TSHZ3: variants seen among roughly 807,000 people sequenced by gnomAD.
TSHZ3 encodes the protein teashirt zinc finger homeobox 3.
TSHZ3 carries 10 observed loss-of-function variants against 64.5 expected under a neutral mutation model. That is an observed-to-expected ratio of 0.16 (90% CI 0.10 to 0.26). The LOEUF (loss-of-function observed/expected upper bound fraction) is 0.26. Ranked by LOEUF, TSHZ3 falls within the 10% of genes least tolerant of loss-of-function variation. The pLI is 1.00. For synonymous variants in TSHZ3, 608 were observed against 593.1 expected, an observed-to-expected ratio of 1.03 and a Z score of -0.36; for missense variants, 1,242 against 1,421.7, an observed-to-expected ratio of 0.87 and a Z score of 2.03.
At chr19:31,295,957 C>T (rs1976653350) in intron 1 of TSHZ3, among the ~76,000 whole-genome samples, 1 of 144,332 alleles carries the variant, frequency 6.9e-6, no homozygotes, top group African/African-American at 2.6e-5. Context: ...TAGTAGGCCC[C>T]AGTGTCCACT....
intron 5 of TSHZ3, among the ~76,000 whole-genome samples, chr19:31,160,926 T>G (rs1442039889): frequency 6.6e-6 from 1 of 152,232 alleles, no homozygotes; most frequent in Non-Finnish European, 1.5e-5. Flanking sequence ...GATATATGTA[T>G]GTCTGTGTGC....
At chr19:31,183,206 C>T (rs991749459) in intron 5 of TSHZ3, among the ~76,000 whole-genome samples, 25 of 80,228 alleles carry the variant, frequency 3.1e-4, no homozygotes, top group Admixed American at 2.1e-3. Context: ...CTCTCTCTCT[C>T]TCTCTCTCTC....
chr19:31,263,473 G>A (rs533862743), intron 1 of TSHZ3, among the ~76,000 whole-genome samples: 4 of 152,332 alleles, frequency 2.6e-5, no homozygotes, highest in South Asian at 4.1e-4. Context: ...GAGGAGCTGC[G>A]AAGGCATGAA....
chr19:31,285,520 C>A (rs997697319), intron 1 of TSHZ3, among the ~76,000 whole-genome samples: 2 of 147,558 alleles, frequency 1.4e-5, no homozygotes, highest in Non-Finnish European at 3.0e-5. Flanking sequence ...TGGTGGCTTA[C>A]ACCTGTAATC....
chr19:31,192,500 C>A (rs1284345745), intron 5 of TSHZ3, among the ~76,000 whole-genome samples: 1 of 152,192 alleles, frequency 6.6e-6, no homozygotes, highest in Non-Finnish European at 1.5e-5. Flanking sequence ...ATGATTTGCA[C>A]TTAATAGATG....
intron 4 of TSHZ3, among the ~76,000 whole-genome samples, chr19:31,215,948 A>G (rs907336157): frequency 1.3e-5 from 2 of 151,466 alleles, no homozygotes; most frequent in African/African-American, 4.8e-5. Context: ...AAAAACTATT[A>G]AAAATTAAAT....
intron 1 of TSHZ3, among the ~76,000 whole-genome samples, chr19:31,297,680 CTGGTCTTGAACTCCTGG>C: frequency 6.6e-6 from 1 of 152,068 alleles, no homozygotes; most frequent in Non-Finnish European, 1.5e-5. Context: ...GTTGCCCAGG[CTGGTCTTGAACTCCTGG>C]CCTTCAACTC....
At chr19:31,153,685 A>G (rs1334803195) in intron 6 of TSHZ3, among the ~76,000 whole-genome samples, 1 of 152,186 alleles carries the variant, frequency 6.6e-6, no homozygotes, top group Non-Finnish European at 1.5e-5. Context: ...CTTGTTTGCT[A>G]TGGTAATGCG....
intron 3 of TSHZ3, among the ~76,000 whole-genome samples, chr19:31,239,015 CT>C (rs2145182250): frequency 6.6e-6 from 1 of 152,128 alleles, no homozygotes; most frequent in South Asian, 2.1e-4. Flanking sequence ...TACATCTTCT[CT>C]TTTTTGTACT....
intron 3 of TSHZ3, among the ~76,000 whole-genome samples, chr19:31,233,938 A>G (rs906423783): frequency 1.4e-5 from 2 of 142,566 alleles, no homozygotes; most frequent in Non-Finnish European, 3.0e-5. Context: ...TTCCTACCAA[A>G]AAAAAAAAAA....
chr19:31,195,520 A>G (rs1238455510), intron 5 of TSHZ3: 1 of 151,624 alleles, frequency 6.6e-6, no homozygotes. Context: ...GTGAAGGAGA[A>G]ATAGACTTTT....
intron 5 of TSHZ3, among the ~76,000 whole-genome samples, chr19:31,180,765 T>G (rs558695527): frequency 3.4e-4 from 52 of 152,318 alleles, no homozygotes; most frequent in African/African-American, 1.3e-3. Context: ...AGGATTTCTG[T>G]TGCTTTTATG....
rs117405290 is a variant in TSHZ3 at position 31,248,032 on chromosome 19, G to C, written n.64-5157C>G. On this transcript the variant is annotated intron_variant and non_coding_transcript_variant, in intron 1 of 6. Coordinates refer to the TSHZ3 transcript ENST00000651361. ...GGTGAAAGCTACGTCTAACAAGGCA[G>C]CAGGTAAGAGAAAATGAGAGCCAAG... is the stretch of plus-strand genomic sequence containing the variant. Among the ~76,000 whole-genome samples, 109 of 152,252 alleles carry C rather than the reference G, an allele frequency of 7.2e-4. No homozygotes were observed. In the East Asian group the frequency reaches 0.019, roughly 26 times the overall value.
At chr19:31,346,370 A>G (rs1390982835) in intron 1 of TSHZ3, among the ~76,000 whole-genome samples, 1 of 152,210 alleles carries the variant, frequency 6.6e-6, no homozygotes, top group East Asian at 1.9e-4. Flanking sequence ...GGACTGTGTA[A>G]TATCAACTTG....
intron 4 of TSHZ3, among the ~76,000 whole-genome samples, chr19:31,213,234 G>A (rs1975282786): frequency 1.3e-5 from 2 of 151,498 alleles, no homozygotes; most frequent in African/African-American, 4.9e-5. Flanking sequence ...TCATGCACCT[G>A]TAGTCCCAGC....
chr19:31,298,326 G>T (rs1976697169), intron 1 of TSHZ3, among the ~76,000 whole-genome samples: 1 of 152,104 alleles, frequency 6.6e-6, no homozygotes, highest in Non-Finnish European at 1.5e-5. Context: ...TAGGCAAGGG[G>T]GTCCCAGCCC....
intron 5 of TSHZ3, among the ~76,000 whole-genome samples, chr19:31,170,852 T>C (rs1974526149): frequency 6.6e-6 from 1 of 152,200 alleles, no homozygotes; most frequent in Admixed American, 6.5e-5. Flanking sequence ...CTGAAAACAT[T>C]TGAGTCAGAG....
At chr19:31,234,295 A>T (rs1355723930) in intron 3 of TSHZ3, among the ~76,000 whole-genome samples, 1 of 152,132 alleles carries the variant, frequency 6.6e-6, no homozygotes, top group Non-Finnish European at 1.5e-5. Flanking sequence ...TTCTATACGG[A>T]TAATGATAAC....
At chr19:31,254,473 C>T (rs1044397108) in intron 1 of TSHZ3, among the ~76,000 whole-genome samples, 5 of 152,198 alleles carry the variant, frequency 3.3e-5, no homozygotes, top group South Asian at 4.1e-4. Context: ...CACCAATCCC[C>T]GGGGCTGAAA....
Sources: allele counts gnomAD v4.1 joint callset (sites outside exome capture counted in the v4.1 genomes callset), GRCh38; gene constraint gnomAD v4.1.1; transcripts MANE v1.5; gene names NCBI Gene and HGNC (gene_info 2026-07-23, HGNC 2026-07-21).